Variants in ZNF69 observed in about 807,000 individuals in gnomAD.
The protein encoded by ZNF69 is zinc finger protein 69, also known as ZNF3.
A neutral mutation model predicts 50.9 loss-of-function variants in ZNF69; 47 were observed. The ratio of observed to expected loss-of-function variants is 0.92; its 90% CI spans 0.73 to 1.18. The LOEUF (loss-of-function observed/expected upper bound fraction) is 1.18, where lower values mean the gene tolerates loss of function less well. Among genes scored for constraint, ZNF69 ranks in the 50% most tolerant of loss-of-function variants. The pLI is 0.00. For synonymous variants in ZNF69, 216 were observed against 223.1 expected (o/e 0.97, Z 0.29); for missense variants, 717 against 675.1 (o/e 1.06, Z -0.69).
chr19:11,889,612 C>T (rs764572987), intron 1 of ZNF69, among the ~76,000 whole-genome samples: 2 of 152,164 alleles, frequency 1.3e-5, no homozygotes, highest in Non-Finnish European at 2.9e-5. Context: ...ATTACAGGCA[C>T]GCACCTGAAG....
downstream of ZNF69, among the ~76,000 whole-genome samples, chr19:11,916,505 C>T (rs140738483): frequency 6.6e-6 from 1 of 152,226 alleles, no homozygotes; most frequent in Non-Finnish European, 1.5e-5. Context: ...ACACCAGCTA[C>T]TCTGGTGACT....
At chr19:11,967,694 T>C in the ZNF69 span, among the ~76,000 whole-genome samples, 1 of 152,026 alleles carries the variant, frequency 6.6e-6, no homozygotes, top group Non-Finnish European at 1.5e-5. Context: ...TGAGCCACCA[T>C]GTCCGGCCCC....
chr19:11,917,789 C>CTTTTTTT (rs74965943), downstream of ZNF69, among the ~76,000 whole-genome samples: 270 of 110,624 alleles, frequency 2.4e-3, 6 homozygotes, highest in African/African-American at 4.6e-3. Context: ...CCACACCCTG[C>CTTTTTTT]TTTTTTTTTT....
chr19:11,952,668 G>T, the ZNF69 span, among the ~76,000 whole-genome samples: 8 of 152,210 alleles, frequency 5.3e-5, no homozygotes, highest in African/African-American at 1.9e-4. Flanking sequence ...TCTGTGTGTG[G>T]AGATGACATA....
chr19:11,979,506 A>C, the ZNF69 span: 1 of 1,599,696 alleles, frequency 6.3e-7, no homozygotes, highest in African/African-American at 1.4e-5. Flanking sequence ...ACGTCATTTC[A>C]AAGACATGAA....
downstream of ZNF69, among the ~76,000 whole-genome samples, chr19:11,915,238 A>G (rs888857311): frequency 5.9e-5 from 9 of 152,158 alleles, no homozygotes; most frequent in African/African-American, 1.9e-4. Context: ...GATGCACCTG[A>G]ATTCAACCCC....
the ZNF69 span, chr19:11,949,391 G>A: frequency 1.2e-6 from 2 of 1,613,794 alleles, no homozygotes; most frequent in East Asian, 4.5e-5. Context: ...AAAGCCTTCA[G>A]ATCTACCTCA....
downstream of ZNF69, among the ~76,000 whole-genome samples, chr19:11,915,109 C>T (rs1326936636): frequency 6.6e-6 from 1 of 152,116 alleles, no homozygotes; most frequent in Non-Finnish European, 1.5e-5. Flanking sequence ...GATGCTGAGG[C>T]AGGAGAATGG....
the ZNF69 span, chr19:11,947,722 G>A: frequency 1.6e-5 from 13 of 809,606 alleles, no homozygotes; most frequent in African/African-American, 1.0e-4. Context: ...ATATTTAAAC[G>A]TGACTGAGGC....
At chr19:11,949,243 T>TA in the ZNF69 span, 1 of 1,613,576 alleles carries the variant, frequency 6.2e-7, no homozygotes, top group Non-Finnish European at 8.5e-7. Flanking sequence ...TTCCTTTCGA[T>TA]ATCATGAAAG....
At chr19:11,944,422 G>A in the ZNF69 span, among the ~76,000 whole-genome samples, 6 of 152,114 alleles carry the variant, frequency 3.9e-5, no homozygotes, top group South Asian at 2.1e-4. Flanking sequence ...CCACCTTTCC[G>A]GAACTCTGAG....
the ZNF69 span, among the ~76,000 whole-genome samples, chr19:11,971,837 A>T: frequency 1.3e-5 from 2 of 152,098 alleles, no homozygotes; most frequent in African/African-American, 4.8e-5. Flanking sequence ...GCCAATGTGG[A>T]TGGATAGCCT....
chr19:11,960,923 A>G, the ZNF69 span, among the ~76,000 whole-genome samples: 1 of 152,126 alleles, frequency 6.6e-6, no homozygotes, highest in Non-Finnish European at 1.5e-5. Context: ...CATTGTCTCC[A>G]AAGCCTCTTT....
the ZNF69 span, among the ~76,000 whole-genome samples, chr19:11,972,261 G>A: frequency 6.6e-6 from 1 of 151,646 alleles, no homozygotes; most frequent in Non-Finnish European, 1.5e-5. Context: ...CTCCAGCCTG[G>A]GCAACAGAAT....
intron 1 of ZNF69, among the ~76,000 whole-genome samples, chr19:11,892,399 A>G (rs968395604): frequency 1.3e-5 from 2 of 152,018 alleles, no homozygotes; most frequent in African/African-American, 4.8e-5. Context: ...GCTGAAGACA[A>G]TGTGATAGCC....
the ZNF69 span, among the ~76,000 whole-genome samples, chr19:11,944,007 A>G: frequency 1.3e-5 from 2 of 148,810 alleles, no homozygotes; most frequent in Non-Finnish European, 3.0e-5. Flanking sequence ...GATTCCCTCT[A>G]CCTTCACGGT....
chr19:11,941,282 G>A, the ZNF69 span, among the ~76,000 whole-genome samples: 448 of 152,380 alleles, frequency 2.9e-3, 3 homozygotes, highest in African/African-American at 9.5e-3. Context: ...TGCCAGTCCC[G>A]CGCCATGCGC....
downstream of ZNF69, among the ~76,000 whole-genome samples, chr19:11,907,758 T>C (rs978062348): frequency 6.6e-6 from 1 of 152,142 alleles, no homozygotes; most frequent in African/African-American, 2.4e-5. Flanking sequence ...GAAGAAACTG[T>C]ATCAACTAAC....
the ZNF69 span, chr19:11,948,990 T>C: frequency 6.2e-7 from 1 of 1,608,132 alleles, no homozygotes; most frequent in Non-Finnish European, 8.5e-7. Context: ...GTTCTCTTCG[T>C]AGACATGAAA....
Sources: allele counts gnomAD v4.1 joint callset (sites outside exome capture counted in the v4.1 genomes callset), GRCh38; gene constraint gnomAD v4.1.1; transcripts MANE v1.5; gene names NCBI Gene and HGNC (gene_info 2026-07-23, HGNC 2026-07-21).